The following SPCS3 variants were observed in gnomAD, a reference collection of about 807,000 sequenced individuals.
The protein encoded by SPCS3 is SPase 22 kDa subunit.
In SPCS3, 9 loss-of-function variants were observed where a neutral mutation model predicts 17.2. That is an observed-to-expected ratio of 0.52 (90% confidence interval 0.31 to 0.91). SPCS3 has a LOEUF of 0.91. Among genes scored for constraint, SPCS3 ranks in the 40% least tolerant of loss-of-function variants. SPCS3 has a pLI of 0.04. For synonymous variants in SPCS3, 87 were observed against 89.6 expected, an observed-to-expected ratio of 0.97 and a Z score of 0.16; for missense variants, 139 against 217.5, an observed-to-expected ratio of 0.64 and a Z score of 2.27.
In SPCS3 at chr4:176,328,856, G is replaced by A. The variant is rs1021467535; in HGVS notation, c.*526G>A. 1.2e-4 allele frequency: 19 copies of A among 152,114 alleles called. No individual in the cohort carries two copies. The highest frequency in any genetic ancestry group is 4.6e-4 in the African/African-American group (19 of 41,514). The allele number at this position is 152,114 out of a possible 1,614,324, so 9.4% of individuals were successfully genotyped here. Reference sequence around the variant, plus strand: ...GGTTTATAAAAAAGCCAAAAGTGATGGAATTTATTCCATTTGTCTTAGGAA... The same window carrying A: ...GGTTTATAAAAAAGCCAAAAGTGATAGAATTTATTCCATTTGTCTTAGGAA... On this transcript the variant is annotated 3_prime_UTR_variant, in exon 5 of 5. Coordinates refer to ENST00000503362, the MANE Select transcript of SPCS3 (RefSeq NM_021928.4).
chr4:176,324,678 T>C (rs563464201), intron 3 of SPCS3, among the ~76,000 whole-genome samples: 8 of 152,384 alleles, frequency 5.2e-5, no homozygotes, highest in East Asian at 1.9e-4. Context: ...TTGTAAAATA[T>C]TGCAGTATAT....
intron 2 of SPCS3, 69 bp downstream of exon 2, chr4:176,322,312 T>C: frequency 9.1e-7 from 1 of 1,093,070 alleles, no homozygotes; most frequent in South Asian, 1.4e-5. Flanking sequence ...TGTTTAATGA[T>C]TTGGGATACA....
chr4:176,326,513 T>G (rs1380733456), intron 3 of SPCS3, among the ~76,000 whole-genome samples: 1 of 152,160 alleles, frequency 6.6e-6, no homozygotes, highest in Non-Finnish European at 1.5e-5. Context: ...AAGAGTAGCT[T>G]AAAAGAATTG....
At position 176,327,261 on chromosome 4, in the gene SPCS3, G is replaced by A. The variant is rs1470553739; in HGVS notation, c.394G>A (p.Asp132Asn). 6 of 1,570,854 alleles carry A rather than the reference G, an allele frequency of 3.8e-6. No individual in the cohort carries two copies. The highest frequency in any genetic ancestry group is 2.3e-5 in the East Asian group (1 of 43,494). ...DMKTKYFFFDDGNGLKGNRNV... is the reference protein window; with the variant it reads ...DMKTKYFFFDNGNGLKGNRNV... ...GAAAACAAAATATTTTTTCTTTGACGATGGAAATGGTCTCAAGTGAGCAAT... is the reference window on the plus strand; with the variant it reads ...GAAAACAAAATATTTTTTCTTTGACAATGGAAATGGTCTCAAGTGAGCAAT... The change falls in exon 4 of 5, where the codon GAT (aspartate) becomes AAT (asparagine). Residue 132 changes from aspartate (D) to asparagine (N), a missense_variant. Coordinates refer to ENST00000503362, the MANE Select transcript of SPCS3 (RefSeq NM_021928.4).
chr4:176,323,277 G>C (rs969289600), intron 2 of SPCS3, among the ~76,000 whole-genome samples: 1 of 152,082 alleles, frequency 6.6e-6, no homozygotes, highest in East Asian at 1.9e-4. Flanking sequence ...TAGTAATTTT[G>C]TGTATCCAGA....
intron 4 of SPCS3, chr4:176,327,485 T>C: frequency 2.8e-6 from 1 of 361,386 alleles, no homozygotes. Flanking sequence ...AATGTCATAG[T>C]CAAACTAATA....
Position 176,330,205 on chromosome 4 carries a change from T to C in SPCS3, c.*1875T>C, listed in dbSNP as rs533103585. ...ATGAAAGTCTAACACATAACTCATA[T>C]TGATTTACTTTATTTCTGTTAGATT... On this transcript the variant is annotated 3_prime_UTR_variant, in exon 5 of 5. Transcript: ENST00000503362. 2.0e-5 allele frequency: 3 copies of C among 152,230 alleles called. No homozygotes were observed. The highest frequency in any genetic ancestry group is 4.4e-5 in the Non-Finnish European group (3 of 68,028). 9.4% of individuals were successfully genotyped at this position (152,230 alleles called of 1,614,324 possible).
Position 176,329,878 on chromosome 4 carries a change from CTATT to C in SPCS3, c.*1551_*1554del, listed in dbSNP as rs1731661042. Reference sequence around the variant, plus strand: ...TATTTACCTTATGTGAAATACATCACTATTTAATTACATTAATTTTAACATCTGT... The same window carrying C: ...TATTTACCTTATGTGAAATACATCACTAATTACATTAATTTTAACATCTGT... On this transcript the variant is annotated 3_prime_UTR_variant, in exon 5 of 5. Coordinates refer to ENST00000503362, the MANE Select transcript of SPCS3 (RefSeq NM_021928.4). The C allele has an allele frequency of 6.6e-6, 1 of 152,140 alleles. No individual in the cohort carries two copies. Among genetic ancestry groups the C allele is most frequent in the African/African-American group, 2.4e-5 (1 of 41,438 alleles). The allele number at this position is 152,140 out of a possible 1,614,324, so 9.4% of individuals were successfully genotyped here. A position where few individuals can be genotyped will look rare whatever the true frequency, so the allele number is the denominator to read the frequency against.
chr4:176,324,157 T>C, intron 2 of SPCS3, 24 bp from the exon 3 acceptor site: 1 of 1,071,796 alleles, frequency 9.3e-7, no homozygotes. Flanking sequence ...GCTCATAAAT[T>C]TATATTTTCC....
chr4:176,322,306 T>C, intron 2 of SPCS3, 63 bp downstream of exon 2: 1 of 1,155,298 alleles, frequency 8.7e-7, no homozygotes, highest in Non-Finnish European at 1.3e-6. Context: ...ATGTGTTGTT[T>C]AATGATTTGG....
chr4:176,327,529 G>A (rs1454418117), intron 4 of SPCS3: 2 of 261,168 alleles, frequency 7.7e-6, no homozygotes, highest in South Asian at 5.4e-5. Context: ...AAGGAATACG[G>A]GCTTGTTCAG....
rs1232051225 is a variant in SPCS3, at chr4:176,327,213, C to A, written c.346C>A (p.Pro116Thr). Reference sequence around the variant, plus strand: ...CAAGATTGTTTTGAGAGGTGATAATCCGAAGCTGCTGCTGAAAGATATGAA... The same window carrying A: ...CAAGATTGTTTTGAGAGGTGATAATACGAAGCTGCTGCTGAAAGATATGAA... ...WDKIVLRGDN[P>T]KLLLKDMKTK... The change falls in exon 4 of 5, where the codon CCG becomes ACG. Residue 116 changes from proline to threonine, a missense_variant. Physicochemically the swap from Pro to Thr is conservative, Grantham distance 38 (BLOSUM62 -1). Coordinates refer to ENST00000503362, the MANE Select transcript of SPCS3 (RefSeq NM_021928.4). 1 of 1,600,262 alleles carries A rather than the reference C, an allele frequency of 6.2e-7. No individual in the cohort carries two copies. Among genetic ancestry groups the A allele is most frequent in the Non-Finnish European group, 8.5e-7 (1 of 1,173,682 alleles).
chr4:176,325,765 C>T lies in SPCS3; in HGVS notation c.295-1397C>T, dbSNP rs532787593. On this transcript the variant is annotated intron_variant, in intron 3 of 4. Coordinates refer to ENST00000503362, the MANE Select transcript of SPCS3 (RefSeq NM_021928.4). ...TGTTTTTATTTATTTATTTTTAACA[C>T]GGAGTTTTACTCTTGTTGTCCAGGC... Among the ~76,000 whole-genome samples, 13 of 151,804 alleles carry T rather than the reference C, an allele frequency of 8.6e-5. No homozygotes were observed. The South Asian group carries it at 2.5e-3, about 29-fold the overall frequency.
chr4:176,322,110 G>C, intron 1 of SPCS3, 60 bp from the exon 2 acceptor site: 1 of 1,116,562 alleles, frequency 9.0e-7, no homozygotes, highest in Non-Finnish European at 1.3e-6. Flanking sequence ...TCTTTAAGAA[G>C]TTACGTGAAT....
In SPCS3 at chr4:176,330,828, A is replaced by G. The variant is rs191203914; in HGVS notation, c.*2498A>G. On this transcript the variant is annotated 3_prime_UTR_variant, in exon 5 of 5. Transcript: ENST00000503362. Reference sequence around the variant, plus strand: ...AAAAGAGAATAATTTGAAGACACTTATTTAAAAGTAATTATGGTTAGAAAT... The same window carrying G: ...AAAAGAGAATAATTTGAAGACACTTGTTTAAAAGTAATTATGGTTAGAAAT... 1 of 152,364 alleles carries G rather than the reference A, an allele frequency of 6.6e-6. No individual in the cohort carries two copies. The highest frequency in any genetic ancestry group is 2.4e-5 in the African/African-American group (1 of 41,592). 9.4% of individuals were successfully genotyped at this position (152,364 alleles called of 1,614,324 possible).
rs1194352385 is a variant in SPCS3 at position 176,329,131 on chromosome 4, C to T, written c.*801C>T. ...AGTTATGTTTCTTCTAGTGAGCATGCCTGCTGTCACTAAGTGAATTATTTA... is the reference window on the plus strand; with the variant it reads ...AGTTATGTTTCTTCTAGTGAGCATGTCTGCTGTCACTAAGTGAATTATTTA... On this transcript the variant is annotated 3_prime_UTR_variant, in exon 5 of 5. Coordinates refer to ENST00000503362, the MANE Select transcript of SPCS3 (RefSeq NM_021928.4). The T allele has an allele frequency of 6.6e-6, 1 of 151,910 alleles. No individual in the cohort carries two copies. Among genetic ancestry groups the T allele is most frequent in the Non-Finnish European group, 1.5e-5 (1 of 67,952 alleles). The allele number at this position is 151,910 out of a possible 1,614,324, so 9.4% of individuals were successfully genotyped here. A position where few individuals can be genotyped will look rare whatever the true frequency, so the allele number is the denominator to read the frequency against.
intron 2 of SPCS3, among the ~76,000 whole-genome samples, chr4:176,323,906 T>C (rs1731570306): frequency 6.6e-6 from 1 of 152,110 alleles, no homozygotes; most frequent in African/African-American, 2.4e-5. Flanking sequence ...TTTGTTCTTT[T>C]CTTACTAGTC....
rs1178307541 is a variant in SPCS3 at position 176,331,440 on chromosome 4, G to A, written c.*3110G>A. On this transcript the variant is annotated 3_prime_UTR_variant, in exon 5 of 5. Coordinates refer to ENST00000503362, the MANE Select transcript of SPCS3 (RefSeq NM_021928.4). ...AGAAGCCTGTATATGTTACATGTGT[G>A]ACTTTCAGTAGTTTAAAGAGATGTT... 1 of 152,040 alleles carries A rather than the reference G, an allele frequency of 6.6e-6. No individual in the cohort carries two copies. Among genetic ancestry groups the A allele is most frequent in the African/African-American group, 2.4e-5 (1 of 41,404 alleles). The allele number at this position is 152,040 out of a possible 1,614,324, so 9.4% of individuals were successfully genotyped here.
rs897129867 is a variant in SPCS3 at position 176,331,287 on chromosome 4, A to G, written c.*2957A>G. 1 of 152,122 alleles carries G rather than the reference A, an allele frequency of 6.6e-6. No individual in the cohort carries two copies. The highest frequency in any genetic ancestry group is 2.4e-5 in the African/African-American group (1 of 41,422). 9.4% of individuals were successfully genotyped at this position (152,122 alleles called of 1,614,324 possible). A position where few individuals can be genotyped will look rare whatever the true frequency, so the allele number is the denominator to read the frequency against. Reference sequence around the variant, plus strand: ...CTTTGGATCTTTCGGGTATATGTCAATGGAGGTATTATTTTATAATACTTT... The same window carrying G: ...CTTTGGATCTTTCGGGTATATGTCAGTGGAGGTATTATTTTATAATACTTT... On this transcript the variant is annotated 3_prime_UTR_variant, in exon 5 of 5. Transcript: ENST00000503362.
Sources: allele counts gnomAD v4.1 joint callset (sites outside exome capture counted in the v4.1 genomes callset), GRCh38; gene constraint gnomAD v4.1.1; transcripts MANE v1.5; gene names NCBI Gene and HGNC (gene_info 2026-07-23, HGNC 2026-07-21).